The following CFAP251 variants were observed in gnomAD, a reference collection of about 807,000 sequenced individuals.
CFAP251 encodes the protein cilia- and flagella-associated protein 251.
In CFAP251, 93 loss-of-function variants were observed where a neutral mutation model predicts 126.7. The observed-to-expected ratio is 0.73, with a 90% confidence interval of 0.62 to 0.87. The LOEUF (loss-of-function observed/expected upper bound fraction) is 0.87, where lower values mean the gene tolerates loss of function less well. Ranked by LOEUF, CFAP251 falls within the 40% of genes least tolerant of loss-of-function variation. The pLI, the probability that CFAP251 is intolerant of heterozygous loss-of-function variation, is 0.00. For missense variants in CFAP251, 1,287 were observed against 1,389.2 expected (o/e 0.93, Z 1.17); for synonymous variants, 503 against 506.9 (o/e 0.99, Z 0.10).
intron 9 of CFAP251, chr12:121,952,973 T>C (rs1565910789): frequency 6.6e-6 from 1 of 152,218 alleles, no homozygotes; most frequent in Non-Finnish European, 1.5e-5. Context: ...TCTGTGAGCC[T>C]CTGGTCACAT....
chr12:121,998,562 T>A (rs1883078532), intron 19 of CFAP251: 1 of 147,936 alleles, frequency 6.8e-6, no homozygotes, highest in South Asian at 2.1e-4. Flanking sequence ...CTTCTTTTCC[T>A]GCCTAATTTC....
chr12:121,990,070 T>C (rs1882842373), intron 19 of CFAP251, among the ~76,000 whole-genome samples: 1 of 152,074 alleles, frequency 6.6e-6, no homozygotes, highest in South Asian at 2.1e-4. Flanking sequence ...CCAGATGCTG[T>C]ATGTCTAAAT....
rs1880194095 is a variant in CFAP251 at position 121,921,832 on chromosome 12, G to C, written c.378+149G>C. ...TGAGACAGAGTCTCACTGTTGCCCA[G>C]GCTGGAGTGCAGGGGCACAATCTCA... On this transcript the variant is annotated intron_variant, in intron 2 of 21. Coordinates refer to ENST00000288912, the MANE Select transcript of CFAP251 (RefSeq NM_144668.6). 3.4e-6 allele frequency: 3 copies of C among 869,856 alleles called. No homozygotes were observed. The South Asian group carries it at 6.3e-5, about 18-fold the overall frequency. 53.9% of individuals were successfully genotyped at this position (869,856 alleles called of 1,614,324 possible).
rs556327379 is a variant in CFAP251, at chr12:121,974,610, A to G, written c.2772-634A>G. Among the ~76,000 whole-genome samples the G allele has an allele frequency of 6.6e-6, 1 of 152,354 alleles. No individual in the cohort carries two copies. Among genetic ancestry groups the G allele is most frequent in the South Asian group, 2.1e-4 (1 of 4,832 alleles). ...CAAAAAGGCTAATCACCCGATTAGCAGTAATCCAGTTAGTGGATTATTAGA... is the reference window on the plus strand; with the variant it reads ...CAAAAAGGCTAATCACCCGATTAGCGGTAATCCAGTTAGTGGATTATTAGA... On this transcript the variant is annotated intron_variant, in intron 17 of 21. Coordinates refer to ENST00000288912, the MANE Select transcript of CFAP251 (RefSeq NM_144668.6). This position sits in a 1 kb window ranked among gnomAD's most constrained non-coding sequence, Gnocchi z 4.6.
chr12:121,935,569 G>T (rs1880861402), intron 5 of CFAP251, among the ~76,000 whole-genome samples: 1 of 152,220 alleles, frequency 6.6e-6, no homozygotes, highest in Admixed American at 6.5e-5. Context: ...GTTTTAAGGA[G>T]TACAGGTCAG....
chr12:121,924,458 G>A (rs1880326732), intron 3 of CFAP251, among the ~76,000 whole-genome samples: 1 of 90,922 alleles, frequency 1.1e-5, no homozygotes, highest in Non-Finnish European at 2.0e-5. Flanking sequence ...TGGAGACACA[G>A]TTTCACTCTT....
intron 4 of CFAP251, 123 bp downstream of exon 4, chr12:121,932,009 A>G (rs1880713218): frequency 3.1e-6 from 3 of 971,284 alleles, no homozygotes; most frequent in Middle Eastern, 5.6e-4. Context: ...TCTCCTTGGA[A>G]CTAAAAGCAA....
chr12:122,000,062 C>A, intron 20 of CFAP251, 118 bp downstream of exon 20: 1 of 958,110 alleles, frequency 1.0e-6, no homozygotes. Flanking sequence ...GTGATTTGAC[C>A]AGATTTGAGC....
At chr12:121,944,231 C>A (rs1041111586) in intron 7 of CFAP251, among the ~76,000 whole-genome samples, 4 of 152,186 alleles carry the variant, frequency 2.6e-5, no homozygotes, top group African/African-American at 9.7e-5. Context: ...AAAATCCAAA[C>A]AGAGGGTTTG....
chr12:121,961,482 T>C (rs1881938991), intron 14 of CFAP251, among the ~76,000 whole-genome samples: 1 of 152,100 alleles, frequency 6.6e-6, no homozygotes, highest in African/African-American at 2.4e-5. Context: ...GGCTACTGAT[T>C]TGTGACTGCC....
intron 19 of CFAP251, among the ~76,000 whole-genome samples, chr12:121,980,769 G>T (rs960178698): frequency 6.6e-6 from 1 of 152,172 alleles, no homozygotes; most frequent in Non-Finnish European, 1.5e-5. Flanking sequence ...TTAGTCCAAC[G>T]TTTAACCAAA....
intron 3 of CFAP251, among the ~76,000 whole-genome samples, chr12:121,928,608 A>G (rs1592963226): frequency 7.0e-6 from 1 of 143,374 alleles, no homozygotes; most frequent in Admixed American, 7.0e-5. Flanking sequence ...TTGACCCTAG[A>G]TAATTTTATG....
intron 9 of CFAP251, 194 bp from the exon 10 acceptor site, chr12:121,953,926 G>C: frequency 1.7e-6 from 1 of 598,330 alleles, no homozygotes; most frequent in Non-Finnish European, 2.9e-6. Flanking sequence ...CCCTTCACTT[G>C]CTCTTAGCAA....
intron 17 of CFAP251, chr12:121,969,832 G>T: frequency 1.0e-6 from 1 of 985,328 alleles, no homozygotes; most frequent in Non-Finnish European, 1.2e-6. Flanking sequence ...GATCTGGAAT[G>T]GTAGAAATTT....
At chr12:121,975,193 A>G (rs1779435470) in intron 17 of CFAP251, 51 bp from the exon 18 acceptor site, 1 of 1,520,722 alleles carries the variant, frequency 6.6e-7, no homozygotes, top group Non-Finnish European at 9.1e-7. Flanking sequence ...CTTCTGAGCC[A>G]TGCTCATGCT....
intron 19 of CFAP251, chr12:121,997,204 C>A (rs868589831): frequency 6.6e-6 from 1 of 152,132 alleles, no homozygotes; most frequent in Admixed American, 6.6e-5. Context: ...TGAGATGGCA[C>A]GAGGGAACAG....
intron 7 of CFAP251, among the ~76,000 whole-genome samples, chr12:121,945,775 C>T (rs538512179): frequency 1.3e-5 from 2 of 152,180 alleles, no homozygotes; most frequent in Admixed American, 6.5e-5. Flanking sequence ...ACGCCATTCT[C>T]CTGCCTCAAC....
chr12:121,996,636 A>G (rs774763014), intron 19 of CFAP251, among the ~76,000 whole-genome samples: 5 of 152,102 alleles, frequency 3.3e-5, no homozygotes, highest in African/African-American at 4.8e-5. Context: ...AAATACACAA[A>G]CTTTCCAAAT....
chr12:121,921,553 A>T lies in CFAP251; in HGVS notation c.248A>T (p.Glu83Val). The stretch of plus-strand genomic sequence containing the variant: ...GAAGAAACTGAGGAAAAGGCTGGAG[A>T]AGTCCAAGAGAAGGAGGCTTCAGGA... ...VMEETEEKAG[E>V]VQEKEASGIQ... The change falls in exon 2 of 22, where the codon GAA (glutamate) becomes GTA (valine). Residue 83 changes from glutamate to valine, a missense_variant. By Grantham distance (121) the Glu-to-Val change is moderately radical. Coordinates refer to ENST00000288912, the MANE Select transcript of CFAP251 (RefSeq NM_144668.6). 6.2e-7 allele frequency: 1 copy of T among 1,614,056 alleles called. No individual in the cohort carries two copies.
Sources: allele counts gnomAD v4.1 joint callset (sites outside exome capture counted in the v4.1 genomes callset), GRCh38; gene constraint gnomAD v4.1.1; non-coding constraint Gnocchi (gnomAD v3.1); transcripts MANE v1.5; gene names NCBI Gene and HGNC (gene_info 2026-07-23, HGNC 2026-07-21).